The following NCBP1 variants were observed in gnomAD, a reference collection of about 807,000 sequenced individuals.
The protein encoded by NCBP1 is nuclear cap-binding protein subunit 1.
In NCBP1, 16 loss-of-function variants were observed where a neutral mutation model predicts 111.7. The observed-to-expected ratio is 0.14, with a 90% CI of 0.10 to 0.22. The LOEUF (loss-of-function observed/expected upper bound fraction) is 0.22, where lower values mean the gene tolerates loss of function less well. NCBP1 is among the 10% of genes least tolerant of loss of function. The probability of loss-of-function intolerance (pLI) is 1.00; values close to 1 mark genes in which losing one functional copy is unlikely to be tolerated. For synonymous variants in NCBP1, 304 were observed against 314.3 expected (o/e 0.97, Z 0.35); for missense variants, 607 against 957.5 (o/e 0.63, Z 4.83).
At chr9:97,644,157 G>A (rs532614539) in intron 4 of NCBP1, among the ~76,000 whole-genome samples, 4 of 152,272 alleles carry the variant, frequency 2.6e-5, no homozygotes, top group South Asian at 2.1e-4. Context: ...TGTATGTGTT[G>A]AAGATATGTG....
At chr9:97,665,119 A>G (rs73498401) in intron 19 of NCBP1, among the ~76,000 whole-genome samples, 1,531 of 152,288 alleles carry the variant, frequency 0.01, 25 homozygotes, top group African/African-American at 0.035. Flanking sequence ...GTCCATCACA[A>G]CCTTTAACTT....
intron 1 of NCBP1, among the ~76,000 whole-genome samples, chr9:97,639,648 A>T (rs906248647): frequency 6.6e-6 from 1 of 152,190 alleles, no homozygotes; most frequent in Non-Finnish European, 1.5e-5. Flanking sequence ...CAAATAATTG[A>T]ATCAATGGAA....
At chr9:97,637,171 A>G (rs759483384) in intron 1 of NCBP1, among the ~76,000 whole-genome samples, 4 of 151,958 alleles carry the variant, frequency 2.6e-5, no homozygotes, top group African/African-American at 4.8e-5. Context: ...CTGTGTTGAG[A>G]CTCGACTATC....
intron 10 of NCBP1, 75 bp downstream of exon 10, chr9:97,651,448 G>T: frequency 2.3e-6 from 3 of 1,299,644 alleles, no homozygotes; most frequent in Non-Finnish European, 3.2e-6. Context: ...TCTACTCTTG[G>T]CTTATTTATT....
In NCBP1 at chr9:97,658,692, C is replaced by T. The variant is rs1161994603; in HGVS notation, c.1426C>T (p.Leu476=). 2.5e-6 allele frequency: 4 copies of T among 1,613,518 alleles called. No individual in the cohort carries two copies. In the African/African-American group the frequency reaches 4.0e-5, roughly 16 times the overall value. The change falls in exon 15 of 23, where the codon CTG becomes TTG. Residue 476 remains leucine (L), a synonymous_variant. Transcript: ENST00000375147. ...TATTGTTCCTCCTACCTTCTCAGCT[C>T]TGTGTCCTGCAAACCCAACCTGCAT... is the stretch of plus-strand genomic sequence containing the variant. ...LDIVPPTFSA[L]CPANPTCIYK...
intron 8 of NCBP1, 122 bp from the exon 9 acceptor site, chr9:97,650,381 A>C: frequency 1.6e-6 from 1 of 624,316 alleles, no homozygotes; most frequent in African/African-American, 1.9e-5. Flanking sequence ...AACACTTCAG[A>C]ACTTTTATCC....
chr9:97,669,123 G>A, intron 21 of NCBP1, 149 bp downstream of exon 21: 1 of 918,450 alleles, frequency 1.1e-6, no homozygotes, highest in Middle Eastern at 3.7e-4. Flanking sequence ...GGAAATAAAA[G>A]TTCACTACTC....
At position 97,658,750 on chromosome 9, in the gene NCBP1, A is replaced by G; in HGVS notation, c.1477+7A>G. The G allele has an allele frequency of 6.4e-7, 1 of 1,554,694 alleles. No individual in the cohort carries two copies. The highest frequency in any genetic ancestry group is 1.1e-5 in the South Asian group (1 of 89,838). ...TATGGAGATGAAAGTAGCAGTAAGT[A>G]ATGAAACTAATCCCTCTGTCTTTAA... On this transcript the variant is annotated splice_region_variant and intron_variant, in intron 15 of 22. Transcript: ENST00000375147.
At position 97,641,546 on chromosome 9, in the gene NCBP1, G is replaced by C; in HGVS notation, c.124-16G>C. 6.4e-7 allele frequency: 1 copy of C among 1,563,402 alleles called. No individual in the cohort carries two copies. The highest frequency in any genetic ancestry group is 8.7e-7 in the Non-Finnish European group (1 of 1,150,820). Reference sequence around the variant, plus strand: ...GCTGAGTACTTGACAGATATTTAATGTGATGTCCTCTACAGAGTGCCTGCT... The same window carrying C: ...GCTGAGTACTTGACAGATATTTAATCTGATGTCCTCTACAGAGTGCCTGCT... On this transcript the variant is annotated splice_polypyrimidine_tract_variant and intron_variant, in intron 2 of 22. Transcript: ENST00000375147.
intron 1 of NCBP1, among the ~76,000 whole-genome samples, chr9:97,639,369 T>C (rs1156494879): frequency 6.6e-6 from 1 of 152,178 alleles, no homozygotes; most frequent in African/African-American, 2.4e-5. Context: ...ATCATTTCAG[T>C]CATTCAATAG....
intron 10 of NCBP1, among the ~76,000 whole-genome samples, chr9:97,653,061 G>T (rs1372112632): frequency 1.3e-5 from 2 of 151,228 alleles, no homozygotes; most frequent in Non-Finnish European, 2.9e-5. Context: ...TCTATTTCAA[G>T]TAACAGTGTG....
intron 16 of NCBP1, among the ~76,000 whole-genome samples, chr9:97,661,512 T>A (rs1447377712): frequency 6.6e-6 from 1 of 152,136 alleles, no homozygotes; most frequent in Non-Finnish European, 1.5e-5. Context: ...CAAAATAATT[T>A]ATACAGTTGC....
intron 15 of NCBP1, 149 bp from the exon 16 acceptor site, chr9:97,660,797 A>G (rs937102218): frequency 1.1e-6 from 1 of 890,606 alleles, no homozygotes; most frequent in Non-Finnish European, 1.7e-6. Context: ...TACGGTATTT[A>G]TATGTGATTA....
Position 97,647,991 on chromosome 9 carries a change from A to T in NCBP1, c.682-17A>T. The T allele has an allele frequency of 6.4e-7, 1 of 1,564,092 alleles. No homozygotes were observed. Among genetic ancestry groups the T allele is most frequent in the South Asian group, 1.2e-5 (1 of 86,696 alleles). On this transcript the variant is annotated splice_polypyrimidine_tract_variant and intron_variant, in intron 7 of 22. Coordinates refer to ENST00000375147, the MANE Select transcript of NCBP1 (RefSeq NM_002486.5). ...AATGTTAATTATATTAATGATTAAAAATTAATCTGTCTTTAGTATTTAGAT... is the reference window on the plus strand; with the variant it reads ...AATGTTAATTATATTAATGATTAAATATTAATCTGTCTTTAGTATTTAGAT...
In NCBP1 at chr9:97,662,975, C is replaced by T; in HGVS notation, c.1725C>T (p.Thr575=). Residue 575 remains threonine, a synonymous_variant, in exon 18 of 23, where the codon ACC becomes ACT. Coordinates refer to ENST00000375147, the MANE Select transcript of NCBP1 (RefSeq NM_002486.5). ...ALAKFHEVFK[T]LAESDEGKLH... Reference sequence around the variant, plus strand: ...AAAGGTTTCATGAAGTCTTCAAAACCCTAGCTGAAAGTGATGAAGGAAAGT... The same window carrying T: ...AAAGGTTTCATGAAGTCTTCAAAACTCTAGCTGAAAGTGATGAAGGAAAGT... 6.2e-7 allele frequency: 1 copy of T among 1,612,716 alleles called. No homozygotes were observed. Among genetic ancestry groups the T allele is most frequent in the Non-Finnish European group, 8.5e-7 (1 of 1,179,448 alleles).
At chr9:97,645,782 T>C in intron 6 of NCBP1, 50 bp downstream of exon 6, 10 of 1,588,126 alleles carry the variant, frequency 6.3e-6, no homozygotes, top group Non-Finnish European at 7.7e-6. Flanking sequence ...AAGGATATCT[T>C]ATATCAGTGA....
chr9:97,639,253 C>A (rs1171163181), intron 1 of NCBP1, among the ~76,000 whole-genome samples: 2 of 152,140 alleles, frequency 1.3e-5, no homozygotes, highest in Non-Finnish European at 2.9e-5. Context: ...GGGAAGTTGA[C>A]GTACAGAGTG....
At position 97,655,327 on chromosome 9, in the gene NCBP1, T is replaced by TA. The variant is rs1163322101; in HGVS notation, c.1236-374dup. Among the ~76,000 whole-genome samples, 4 of 152,282 alleles carry TA rather than the reference T, an allele frequency of 2.6e-5. No homozygotes were observed. In the South Asian group the frequency reaches 8.3e-4, roughly 32 times the overall value. On this transcript the variant is annotated intron_variant, in intron 12 of 22. Coordinates refer to ENST00000375147, the MANE Select transcript of NCBP1 (RefSeq NM_002486.5). ...ATGGGCTCAAGCAATCCTCCTGCCT[T>TA]AGTCTCCATCCCGAGTAGCTGGGAT... is the stretch of plus-strand genomic sequence containing the variant.
intron 16 of NCBP1, among the ~76,000 whole-genome samples, chr9:97,661,766 G>C (rs1279133444): frequency 2.3e-5 from 3 of 130,130 alleles, no homozygotes; most frequent in South Asian, 5.2e-4. Flanking sequence ...TAATATAATA[G>C]AGGCTATGAA....
Sources: allele counts gnomAD v4.1 joint callset (sites outside exome capture counted in the v4.1 genomes callset), GRCh38; gene constraint gnomAD v4.1.1; transcripts MANE v1.5; gene names NCBI Gene and HGNC (gene_info 2026-07-23, HGNC 2026-07-21).